LRP1B: variants seen among roughly 807,000 people sequenced by gnomAD.
LRP1B encodes low-density lipoprotein receptor-related protein 1B.
A neutral mutation model predicts 556.6 loss-of-function variants in LRP1B; 217 were observed. That is an observed-to-expected ratio of 0.39 (90% CI 0.35 to 0.44). LRP1B has a LOEUF of 0.44. Among genes scored for constraint, LRP1B ranks in the 20% least tolerant of loss-of-function variants. The probability of loss-of-function intolerance (pLI) is 1.00; values close to 1 mark genes in which losing one functional copy is unlikely to be tolerated. For synonymous variants in LRP1B, 2,047 were observed against 1,865.8 expected, an observed-to-expected ratio of 1.10 and a Z score of -2.50; for missense variants, 5,053 against 5,620.8, an observed-to-expected ratio of 0.90 and a Z score of 3.23.
intron 1 of LRP1B, among the ~76,000 whole-genome samples, chr2:141,817,296 A>C (rs933799054): frequency 6.6e-6 from 1 of 152,118 alleles, no homozygotes; most frequent in Admixed American, 6.5e-5. Context: ...TACATGCCTA[A>C]GGAAGAAGAT....
At chr2:141,473,486 A>G (rs1682559024) in intron 3 of LRP1B, among the ~76,000 whole-genome samples, 2 of 152,188 alleles carry the variant, frequency 1.3e-5, no homozygotes, top group East Asian at 3.9e-4. Flanking sequence ...GTTAAGGGTC[A>G]TAGCCTTTCA....
At chr2:141,047,050 A>AGC (rs1553451707) in intron 11 of LRP1B, among the ~76,000 whole-genome samples, 2 of 6,892 alleles carry the variant, frequency 2.9e-4, no homozygotes, top group African/African-American at 2.6e-4. Context: ...GCACTGCACA[A>AGC]AAATTAATAA....
intron 1 of LRP1B, among the ~76,000 whole-genome samples, chr2:141,936,157 C>G (rs1197881951): frequency 6.6e-6 from 1 of 152,046 alleles, no homozygotes; most frequent in East Asian, 1.9e-4. Context: ...TAAGATCAGA[C>G]ACAAGATATG....
At chr2:141,524,701 T>A (rs1276165070) in intron 2 of LRP1B, among the ~76,000 whole-genome samples, 1 of 152,050 alleles carries the variant, frequency 6.6e-6, no homozygotes, top group Non-Finnish European at 1.5e-5. Flanking sequence ...ATTAAATTAC[T>A]TTCTATGCTA....
At chr2:141,609,240 T>C (rs1688022857) in intron 2 of LRP1B, among the ~76,000 whole-genome samples, 1 of 152,196 alleles carries the variant, frequency 6.6e-6, no homozygotes, top group African/African-American at 2.4e-5. Context: ...ATGAGATGTA[T>C]AGGAGAACAC....
chr2:140,844,670 T>C (rs2105106365), intron 29 of LRP1B, among the ~76,000 whole-genome samples: 1 of 152,332 alleles, frequency 6.6e-6, no homozygotes, highest in Middle Eastern at 3.4e-3. Context: ...TCAGGAAGTT[T>C]AATTTTCCAG....
chr2:140,906,969 T>G (rs946652391), intron 22 of LRP1B, among the ~76,000 whole-genome samples: 4 of 110,882 alleles, frequency 3.6e-5, no homozygotes, highest in African/African-American at 1.2e-4. Flanking sequence ...TTACCACATA[T>G]GGTAAAAAAA....
At chr2:140,943,796 C>T (rs1695466972) in intron 20 of LRP1B, among the ~76,000 whole-genome samples, 1 of 151,964 alleles carries the variant, frequency 6.6e-6, no homozygotes, top group African/African-American at 2.4e-5. Flanking sequence ...GTTTATAGCA[C>T]TAAACATCTA....
chr2:141,892,452 T>C (rs996622946), intron 1 of LRP1B, among the ~76,000 whole-genome samples: 1 of 151,950 alleles, frequency 6.6e-6, no homozygotes, highest in Non-Finnish European at 1.5e-5. Context: ...ATATGGAGTG[T>C]TATATATGAT....
At chr2:141,626,183 GA>G (rs1050864442) in intron 2 of LRP1B, among the ~76,000 whole-genome samples, 10 of 152,072 alleles carry the variant, frequency 6.6e-5, no homozygotes, top group African/African-American at 1.9e-4. Flanking sequence ...ATTGACTTTT[GA>G]CAAAGGAGCA....
intron 1 of LRP1B, among the ~76,000 whole-genome samples, chr2:141,923,615 C>T (rs923853868): frequency 1.3e-5 from 2 of 150,644 alleles, no homozygotes; most frequent in Middle Eastern, 3.4e-3. Flanking sequence ...TTTACAGTAA[C>T]TTGAGAGCAT....
chr2:140,811,745 A>G (rs1690932716), intron 32 of LRP1B, among the ~76,000 whole-genome samples: 1 of 151,930 alleles, frequency 6.6e-6, no homozygotes, highest in Admixed American at 6.6e-5. Flanking sequence ...TAAGTAATAT[A>G]TTCTGTTTTT....
At chr2:141,454,634 C>T (rs1681561064) in intron 3 of LRP1B, among the ~76,000 whole-genome samples, 2 of 75,320 alleles carry the variant, frequency 2.7e-5, no homozygotes, top group South Asian at 9.5e-4. Flanking sequence ...TATCTTTGCT[C>T]ACTATTCCTC....
intron 20 of LRP1B, among the ~76,000 whole-genome samples, chr2:140,927,213 G>A (rs1188520869): frequency 3.3e-5 from 5 of 152,112 alleles, no homozygotes; most frequent in Admixed American, 6.5e-5. Flanking sequence ...GCTGAGGCAC[G>A]AGAATCACTT....
At chr2:141,495,745 A>C (rs1683487299) in intron 2 of LRP1B, among the ~76,000 whole-genome samples, 1 of 152,100 alleles carries the variant, frequency 6.6e-6, no homozygotes, top group South Asian at 2.1e-4. Flanking sequence ...ATACACGAAC[A>C]ATAATTTGGT....
chr2:141,847,570 A>G (rs1327121834), intron 1 of LRP1B, among the ~76,000 whole-genome samples: 1 of 151,608 alleles, frequency 6.6e-6, no homozygotes, highest in Non-Finnish European at 1.5e-5. Flanking sequence ...ATATTTACAA[A>G]TATGTGCAAC....
chr2:140,495,439 G>A, intron 56 of LRP1B, 126 bp downstream of exon 56: 2 of 719,730 alleles, frequency 2.8e-6, no homozygotes, highest in Non-Finnish European at 2.2e-6. Flanking sequence ...CATATCAAGG[G>A]AAGTAGAGAA....
chr2:141,195,819 G>A (rs1681727533), intron 6 of LRP1B, among the ~76,000 whole-genome samples: 1 of 152,092 alleles, frequency 6.6e-6, no homozygotes, highest in African/African-American at 2.4e-5. Context: ...AAGAAGGGCA[G>A]CATCAGATAG....
chr2:140,505,424 T>C (rs1689367916), intron 53 of LRP1B, among the ~76,000 whole-genome samples: 1 of 152,182 alleles, frequency 6.6e-6, no homozygotes, highest in South Asian at 2.1e-4. Context: ...TATTCTTCAG[T>C]GCCTACCTCA....
Sources: gnomAD v4.1 joint callset for allele counts (sites outside exome capture counted in the v4.1 genomes callset) on GRCh38, gnomAD v4.1.1 for gene constraint, MANE v1.5 for transcripts, NCBI Gene and HGNC (gene_info 2026-07-23, HGNC 2026-07-21) for gene names.